The following PTP4A1 variants were observed in gnomAD, a reference collection of about 807,000 sequenced individuals.
The protein encoded by PTP4A1 is protein tyrosine phosphatase 4A1.
PTP4A1 carries 9 observed loss-of-function variants against 20.5 expected under a neutral mutation model. The ratio of observed to expected loss-of-function variants is 0.44; its 90% CI spans 0.26 to 0.77. The LOEUF (loss-of-function observed/expected upper bound fraction) is 0.77. Ranked by LOEUF, PTP4A1 falls within the 30% of genes least tolerant of loss-of-function variation. The pLI, the probability that PTP4A1 is intolerant of heterozygous loss-of-function variation, is 0.19. For missense variants in PTP4A1, 137 were observed against 218.8 expected, an observed-to-expected ratio of 0.63 and a Z score of 2.36; for synonymous variants, 78 against 67.4, an observed-to-expected ratio of 1.16 and a Z score of -0.77.
At chr6:63,579,168 A>G in intron 4 of PTP4A1, 89 bp from the exon 5 acceptor site, 1 of 1,426,288 alleles carries the variant, frequency 7.0e-7, no homozygotes, top group Non-Finnish European at 9.6e-7. Context: ...GTGGTAGATA[A>G]TACTTCTGAG....
intron 3 of PTP4A1, among the ~76,000 whole-genome samples, chr6:63,553,375 C>T (rs1270105039): frequency 6.6e-6 from 1 of 152,228 alleles, no homozygotes; most frequent in East Asian, 1.9e-4. Context: ...TTTTCACACA[C>T]AATTTTGGTC....
intron 3 of PTP4A1, among the ~76,000 whole-genome samples, chr6:63,553,866 G>A (rs538901067): frequency 6.6e-6 from 1 of 152,260 alleles, no homozygotes; most frequent in South Asian, 2.1e-4. Context: ...TAACGTATTT[G>A]AGTCAGGTTA....
chr6:63,537,716 C>T (rs764986758), intron 2 of PTP4A1, among the ~76,000 whole-genome samples: 1 of 152,236 alleles, frequency 6.6e-6, no homozygotes, highest in Admixed American at 6.5e-5. Flanking sequence ...ACCATTAACA[C>T]CCTTGTCAGC....
At chr6:63,577,263 A>G (rs1409070090) in intron 2 of PTP4A1, among the ~76,000 whole-genome samples, 1 of 152,184 alleles carries the variant, frequency 6.6e-6, no homozygotes, top group Non-Finnish European at 1.5e-5. Context: ...AGAAATTTAC[A>G]TGGGAAAGGT....
chr6:63,546,562 C>T (rs1171749976), intron 2 of PTP4A1, among the ~76,000 whole-genome samples: 1 of 152,072 alleles, frequency 6.6e-6, no homozygotes, highest in Non-Finnish European at 1.5e-5. Flanking sequence ...AAAAATTAGC[C>T]GAGCATGGTG....
At position 63,525,215 on chromosome 6, in the gene PTP4A1, TGTG is replaced by T. The variant is rs539668970; in HGVS notation, c.-905-2603_-905-2601del. 8.7e-4 allele frequency among the ~76,000 whole-genome samples: 133 copies of T among 152,258 alleles called. 1 individual carries two copies. In the South Asian group the frequency reaches 0.015, roughly 18 times the overall value. On this transcript the variant is annotated intron_variant, in intron 1 of 3. Transcript: ENST00000639568. The stretch of plus-strand genomic sequence containing the variant: ...TTGTAAATAAGTTATCCTGGTGAAT[TGTG>T]TGTCTGCAGTGCTAGTTATTAGTAC...
intron 2 of PTP4A1, among the ~76,000 whole-genome samples, chr6:63,537,021 T>C (rs973989371): frequency 3.9e-5 from 6 of 152,014 alleles, no homozygotes; most frequent in Non-Finnish European, 8.8e-5. Context: ...GGAATTAAGG[T>C]TAAATAGTTT....
intron 2 of PTP4A1, among the ~76,000 whole-genome samples, chr6:63,529,414 C>G (rs1775356979): frequency 1.3e-5 from 2 of 151,960 alleles, no homozygotes; most frequent in South Asian, 4.1e-4. Context: ...AATTCAATCT[C>G]AAACTTTTAG....
rs368017955 is a variant in PTP4A1 at position 63,580,123 on chromosome 6, G to C, written c.471G>C (p.Arg157=). Reference sequence around the variant, plus strand: ...TGGAGAAGTATCGTCCTAAAATGCGGCTGCGTTTCAAAGATTCCAACGGTC... The same window carrying C: ...TGGAGAAGTATCGTCCTAAAATGCGCCTGCGTTTCAAAGATTCCAACGGTC... The part of the protein sequence containing the change: ...LYLEKYRPKM[R]LRFKDSNGHR... The change falls in exon 6 of 6, where the codon CGG becomes CGC. Residue 157 remains arginine, a synonymous_variant. Coordinates refer to ENST00000626021, the MANE Select transcript of PTP4A1 (RefSeq NM_003463.5). 1.9e-6 allele frequency: 3 copies of C among 1,613,660 alleles called. No homozygotes were observed. In the Admixed American group the frequency reaches 5.0e-5, roughly 27 times the overall value.
intron 3 of PTP4A1, among the ~76,000 whole-genome samples, chr6:63,561,522 C>T (rs964791774): frequency 6.6e-6 from 1 of 152,144 alleles, no homozygotes; most frequent in African/African-American, 2.4e-5. Flanking sequence ...CATCATCTTC[C>T]TTCTGTTCTC....
chr6:63,519,725 A>G (rs767687477), upstream of PTP4A1, among the ~76,000 whole-genome samples: 9 of 152,254 alleles, frequency 5.9e-5, no homozygotes, highest in Non-Finnish European at 1.2e-4. Context: ...TTCATGTGTG[A>G]CAGTTCTAAT....
chr6:63,518,715 A>G (rs1034495761), upstream of PTP4A1, among the ~76,000 whole-genome samples: 3 of 152,264 alleles, frequency 2.0e-5, no homozygotes, highest in African/African-American at 7.2e-5. Context: ...AACAACAGAG[A>G]GGACAAAAGC....
intron 2 of PTP4A1, among the ~76,000 whole-genome samples, chr6:63,543,089 C>T (rs1488726658): frequency 6.6e-6 from 1 of 152,156 alleles, no homozygotes; most frequent in African/African-American, 2.4e-5. Context: ...CTTCTCCTGG[C>T]TGGATTATTT....
intron 2 of PTP4A1, among the ~76,000 whole-genome samples, chr6:63,529,161 G>GTGTATATATATATA (rs1942401054): frequency 9.8e-6 from 1 of 102,144 alleles, no homozygotes; most frequent in Non-Finnish European, 1.9e-5. Context: ...ATATATATGT[G>GTGTATATATATATA]TGTATATATA....
At chr6:63,519,595 G>A (rs1403762808), upstream of PTP4A1, among the ~76,000 whole-genome samples, 6 of 152,188 alleles carry the variant, frequency 3.9e-5, no homozygotes, top group East Asian at 7.7e-4. Context: ...CTTGGCACAA[G>A]CTTATTTCCT....
chr6:63,552,075 G>A (rs1776473388), intron 3 of PTP4A1, among the ~76,000 whole-genome samples: 1 of 152,166 alleles, frequency 6.6e-6, no homozygotes, highest in African/African-American at 2.4e-5. Flanking sequence ...GGATGGCTGG[G>A]TCAAATGGTA....
intron 3 of PTP4A1, among the ~76,000 whole-genome samples, chr6:63,566,376 A>G (rs149759664): frequency 6.6e-6 from 1 of 152,264 alleles, no homozygotes; most frequent in East Asian, 1.9e-4. Flanking sequence ...TGAAAATTTA[A>G]GGAATTCGGC....
chr6:63,550,958 C>T (rs1311993861), intron 3 of PTP4A1, among the ~76,000 whole-genome samples: 2 of 152,008 alleles, frequency 1.3e-5, no homozygotes, highest in African/African-American at 4.8e-5. Context: ...TTTATTTTTG[C>T]TTTGAGAATC....
chr6:63,563,456 C>T (rs1486046571), intron 3 of PTP4A1, among the ~76,000 whole-genome samples: 3 of 152,172 alleles, frequency 2.0e-5, no homozygotes, highest in African/African-American at 7.2e-5. Flanking sequence ...GTGATTCATT[C>T]TCATCATTTA....
Sources: allele counts gnomAD v4.1 joint callset (sites outside exome capture counted in the v4.1 genomes callset), GRCh38; gene constraint gnomAD v4.1.1; transcripts MANE v1.5; gene names NCBI Gene and HGNC (gene_info 2026-07-23, HGNC 2026-07-21).